SPTBN1: variants seen among roughly 807,000 people sequenced by gnomAD.
The protein encoded by SPTBN1 is spectrin beta, non-erythrocytic 1.
In SPTBN1, 32 loss-of-function variants were observed where a neutral mutation model predicts 266.4. The observed-to-expected ratio is 0.12, with a 90% CI of 0.09 to 0.16. The LOEUF (loss-of-function observed/expected upper bound fraction) is 0.16. Ranked by LOEUF, SPTBN1 falls within the 10% of genes least tolerant of loss-of-function variation. The pLI, the probability that SPTBN1 is intolerant of heterozygous loss-of-function variation, is 1.00. For missense variants in SPTBN1, 2,296 were observed against 3,067.1 expected, an observed-to-expected ratio of 0.75 and a Z score of 5.94; for synonymous variants, 1,336 against 1,162.2, an observed-to-expected ratio of 1.15 and a Z score of -3.04.
chr2:54,534,266 C>A (rs1187018093), intron 2 of SPTBN1, among the ~76,000 whole-genome samples: 2 of 152,200 alleles, frequency 1.3e-5, no homozygotes. Flanking sequence ...CAGCTTCTTG[C>A]ATGGTGGAAT....
intron 2 of SPTBN1, chr2:54,546,671 C>G (rs148429206): frequency 3.3e-5 from 5 of 152,300 alleles, no homozygotes; most frequent in Non-Finnish European, 7.4e-5. Flanking sequence ...CTCTATCGCA[C>G]TGCACACAAA....
At chr2:54,644,128 C>A (rs1432207322) in intron 19 of SPTBN1, among the ~76,000 whole-genome samples, 195 bp from the exon 20 acceptor site, 1 of 152,118 alleles carries the variant, frequency 6.6e-6, no homozygotes, top group Non-Finnish European at 1.5e-5. Context: ...TTGCTTAATT[C>A]CCATGAAACC....
At chr2:54,601,159 A>G (rs1469449537) in intron 3 of SPTBN1, among the ~76,000 whole-genome samples, 2 of 152,084 alleles carry the variant, frequency 1.3e-5, no homozygotes, top group Non-Finnish European at 2.9e-5. Context: ...ACCATCTCCA[A>G]CCTCTTAGGC....
chr2:54,644,452 G>A lies in SPTBN1; in HGVS notation c.4135G>A (p.Ala1379Thr). Residue 1379 changes from alanine to threonine, a missense_variant, in exon 20 of 36, where the codon GCA becomes ACA. Physicochemically the swap from Ala to Thr is moderately conservative, Grantham distance 58 (BLOSUM62 0). This residue lies in a region of SPTBN1 where 386 missense variants were observed against 486.1 expected (regional missense o/e 0.79). Coordinates refer to ENST00000356805, the MANE Select transcript of SPTBN1 (RefSeq NM_003128.3). ...TQTKAQRLFDANKAELFTQSC... is the reference protein window; with the variant it reads ...TQTKAQRLFDTNKAELFTQSC... ...GACAAAGGCCCAGCGGCTCTTTGAT[G>A]CAAACAAGGCCGAACTTTTCACCCA... 1 of 1,614,244 alleles carries A rather than the reference G, an allele frequency of 6.2e-7. No homozygotes were observed. The highest frequency in any genetic ancestry group is 8.5e-7 in the Non-Finnish European group (1 of 1,180,046).
intron 17 of SPTBN1, among the ~76,000 whole-genome samples, chr2:54,634,061 G>A (rs569398690): frequency 6.6e-6 from 1 of 152,284 alleles, no homozygotes; most frequent in African/African-American, 2.4e-5. Context: ...ATAACCTAGG[G>A]AAAAAGAATT....
intron 33 of SPTBN1, among the ~76,000 whole-genome samples, chr2:54,665,238 G>T (rs983834774): frequency 6.6e-6 from 1 of 152,128 alleles, no homozygotes; most frequent in Non-Finnish European, 1.5e-5. Context: ...CAACCACCTG[G>T]GACCACCATA....
At chr2:54,569,956 C>G (rs898143982) in intron 2 of SPTBN1, among the ~76,000 whole-genome samples, 2 of 149,874 alleles carry the variant, frequency 1.3e-5, no homozygotes, top group African/African-American at 4.9e-5. Flanking sequence ...TGAAAATGCA[C>G]CCAACTGAAA....
At position 54,484,146 on chromosome 2, in the gene SPTBN1, A is replaced by C. The variant is rs573863424; in HGVS notation, c.-48+27628A>C. Among the ~76,000 whole-genome samples, 47 of 152,302 alleles carry C rather than the reference A, an allele frequency of 3.1e-4. No individual in the cohort carries two copies. The South Asian group carries it at 8.9e-3, about 29-fold the overall frequency. On this transcript the variant is annotated intron_variant, in intron 1 of 35. Coordinates refer to ENST00000356805, the MANE Select transcript of SPTBN1 (RefSeq NM_003128.3). ...GGTTGCAGTGAGCTGTGATTGCACC[A>C]CTGCACTCCATCCTGGGGGACAGAG... is the stretch of plus-strand genomic sequence containing the variant.
At position 54,483,721 on chromosome 2, in the gene SPTBN1, T is replaced by C. The variant is rs1668210085; in HGVS notation, c.-48+27203T>C. 2.6e-5 allele frequency among the ~76,000 whole-genome samples: 4 copies of C among 152,294 alleles called. No individual in the cohort carries two copies. In the South Asian group the frequency reaches 8.3e-4, roughly 32 times the overall value. On this transcript the variant is annotated intron_variant, in intron 1 of 35. Coordinates refer to ENST00000356805, the MANE Select transcript of SPTBN1 (RefSeq NM_003128.3). ...GCATGGATCAAAGGCACTTGGGTGA[T>C]TTAGGGGTGTGACCCCCAGTGGCTT...
At chr2:54,559,111 C>A (rs1401010994) in intron 2 of SPTBN1, among the ~76,000 whole-genome samples, 1 of 152,188 alleles carries the variant, frequency 6.6e-6, no homozygotes, top group Non-Finnish European at 1.5e-5. Context: ...TTTTGGCTTT[C>A]TAGGTTGTCA....
At chr2:54,561,631 G>T (rs1673302860) in intron 2 of SPTBN1, among the ~76,000 whole-genome samples, 1 of 145,616 alleles carries the variant, frequency 6.9e-6, no homozygotes, top group Non-Finnish European at 1.5e-5. Flanking sequence ...TTTAAAATGA[G>T]TCTGGTCTAT....
chr2:54,610,801 A>C (rs560361778), intron 3 of SPTBN1, among the ~76,000 whole-genome samples: 4 of 152,146 alleles, frequency 2.6e-5, no homozygotes, highest in African/African-American at 2.4e-5. Context: ...CAGCATCACT[A>C]GTGGCACTTT....
intron 2 of SPTBN1, among the ~76,000 whole-genome samples, chr2:54,575,762 T>C (rs772759998): frequency 1.3e-5 from 2 of 152,226 alleles, no homozygotes; most frequent in African/African-American, 2.4e-5. Flanking sequence ...TCAGTTTCGA[T>C]GTATCGGGAA....
rs779127572 is a variant in SPTBN1 at position 54,646,223 on chromosome 2, G to A, written c.4614G>A (p.Gln1538=). Residue 1538 remains glutamine, a synonymous_variant, in exon 23 of 36, where the codon CAG becomes CAA. Coordinates refer to ENST00000356805, the MANE Select transcript of SPTBN1 (RefSeq NM_003128.3). The surrounding 1 kb of genome is among the most constrained non-coding windows in gnomAD (Gnocchi z 4.4). ...TCCAGAAAGAAATCCAGGGGCACCA[G>A]CCTCGCATTGACGACATCTTTGAGA... is the stretch of plus-strand genomic sequence containing the variant. ...QTLQKEIQGH[Q]PRIDDIFERS... is the part of the protein sequence containing the mutation. 3.1e-6 allele frequency: 5 copies of A among 1,612,668 alleles called. No individual in the cohort carries two copies. The Admixed American group carries it at 5.0e-5, about 16-fold the overall frequency.
At chr2:54,463,417 C>G (rs1325796308) in intron 1 of SPTBN1, among the ~76,000 whole-genome samples, 3 of 152,186 alleles carry the variant, frequency 2.0e-5, no homozygotes, top group African/African-American at 7.2e-5. Flanking sequence ...CTCAGTGGAG[C>G]TGGAGAGAGG....
chr2:54,487,832 C>CTCTTTTTTT lies in SPTBN1; in HGVS notation c.-48+31315_-48+31316insCTTTTTTTT, dbSNP rs1426296541. Among the ~76,000 whole-genome samples, 18 of 68,646 alleles carry CTCTTTTTTT rather than the reference C, an allele frequency of 2.6e-4. 1 individual carries two copies. The highest frequency in any genetic ancestry group is 1.4e-3 in the South Asian group (2 of 1,434). 45.0% of individuals were successfully genotyped at this position (68,646 alleles called of 152,430 possible). On this transcript the variant is annotated intron_variant, in intron 1 of 35. Coordinates refer to ENST00000356805, the MANE Select transcript of SPTBN1 (RefSeq NM_003128.3). ...TTCACTTGATGGTCTCCTCCTGTGT[C>CTCTTTTTTT]TTTTTTTTTTTTTTTGAGACGGAGT...
chr2:54,667,460 C>T (rs112698253), intron 34 of SPTBN1, 144 bp from the exon 35 acceptor site: 1 of 680,866 alleles, frequency 1.5e-6, no homozygotes, highest in Non-Finnish European at 2.5e-6. Flanking sequence ...GGGCGGGTCC[C>T]CAGGCTTGGT....
At chr2:54,598,443 A>C (rs1676250739) in intron 2 of SPTBN1, among the ~76,000 whole-genome samples, 1 of 134,140 alleles carries the variant, frequency 7.5e-6, no homozygotes, top group East Asian at 2.0e-4. Context: ...ATGTCTTTGC[A>C]CTCTACCATG....
intron 3 of SPTBN1, among the ~76,000 whole-genome samples, chr2:54,609,203 G>T (rs6748816): frequency 0.79 from 120,435 of 152,202 alleles, 48,458 homozygotes; most frequent in African/African-American, 0.93. Context: ...ATCCTCTTCC[G>T]CATCATTTGT....
Sources: allele counts gnomAD v4.1 joint callset (sites outside exome capture counted in the v4.1 genomes callset), GRCh38; gene constraint gnomAD v4.1.1; regional missense constraint gnomAD v4.1.1; non-coding constraint Gnocchi (gnomAD v3.1); transcripts MANE v1.5; gene names NCBI Gene and HGNC (gene_info 2026-07-23, HGNC 2026-07-21).